The following ARHGAP21 variants were observed in gnomAD, a reference collection of about 807,000 sequenced individuals.
The protein encoded by ARHGAP21 is Rho GTPase activating protein 21.
Under a neutral mutation model 164.6 loss-of-function variants are expected in ARHGAP21, and 38 were observed. The observed-to-expected ratio is 0.23, with a 90% CI of 0.18 to 0.30. ARHGAP21 has a LOEUF of 0.30. Among genes scored for constraint, ARHGAP21 ranks in the 10% least tolerant of loss-of-function variants. ARHGAP21 has a pLI of 1.00. For missense variants in ARHGAP21, 1,822 were observed against 2,370.7 expected (o/e 0.77, Z 4.81); for synonymous variants, 766 against 857.9 (o/e 0.89, Z 1.87).
chr10:24,609,839 T>C lies in ARHGAP21; in HGVS notation c.2423-1936A>G, dbSNP rs368880959. ...TAGTTGACCAAACGGAAAACAAAAA[T>C]TTTTCATCTCATATACAAATATATT... On this transcript the variant is annotated intron_variant, in intron 9 of 25. Transcript: ENST00000396432. 3.9e-5 allele frequency among the ~76,000 whole-genome samples: 6 copies of C among 152,314 alleles called. No individual in the cohort carries two copies. In the East Asian group the frequency reaches 5.8e-4, roughly 15 times the overall value.
At chr10:24,616,750 A>C (rs897201698) in intron 9 of ARHGAP21, among the ~76,000 whole-genome samples, 5 of 152,228 alleles carry the variant, frequency 3.3e-5, no homozygotes, top group African/African-American at 9.6e-5. Context: ...TTTAGAACAC[A>C]TTGTAATATC....
chr10:24,672,484 T>C (rs1312557299), intron 2 of ARHGAP21, among the ~76,000 whole-genome samples: 3 of 152,212 alleles, frequency 2.0e-5, no homozygotes, highest in Non-Finnish European at 2.9e-5. Context: ...TTCCATTTCC[T>C]ACATTAAACA....
chr10:24,699,368 A>T (rs1385063456), intron 2 of ARHGAP21, among the ~76,000 whole-genome samples: 1 of 151,886 alleles, frequency 6.6e-6, no homozygotes, highest in Non-Finnish European at 1.5e-5. Flanking sequence ...CTCGTCCCCC[A>T]GGCTGGCGTG....
chr10:24,611,160 C>A (rs2077242938), intron 9 of ARHGAP21, among the ~76,000 whole-genome samples: 1 of 152,130 alleles, frequency 6.6e-6, no homozygotes, highest in Non-Finnish European at 1.5e-5. Context: ...CTAGGCCTGA[C>A]CAACCATAGG....
In ARHGAP21 at chr10:24,589,268, T is replaced by C. The variant is rs779186887; in HGVS notation, c.4182+3A>G. ...ATATTTCAAATTGTATGAAACAATTTACCTTAGATTTTGTTGAGTCACTAG... is the reference window on the plus strand; with the variant it reads ...ATATTTCAAATTGTATGAAACAATTCACCTTAGATTTTGTTGAGTCACTAG... On this transcript the variant is annotated splice_donor_region_variant and intron_variant, in intron 25 of 25. Coordinates refer to ENST00000396432, the MANE Select transcript of ARHGAP21 (RefSeq NM_020824.4). 2 of 1,606,060 alleles carry C rather than the reference T, an allele frequency of 1.2e-6. No individual in the cohort carries two copies. The highest frequency in any genetic ancestry group is 1.7e-5 in the Admixed American group (1 of 59,540).
chr10:24,598,032 A>G (rs1268990836), intron 14 of ARHGAP21, 23 bp from the exon 15 acceptor site: 1 of 1,580,112 alleles, frequency 6.3e-7, no homozygotes, highest in Non-Finnish European at 8.7e-7. Context: ...GTAAAATTAG[A>G]AAATCAATTC....
chr10:24,598,581 T>C (rs891318798), intron 14 of ARHGAP21, among the ~76,000 whole-genome samples: 3 of 152,162 alleles, frequency 2.0e-5, no homozygotes, highest in African/African-American at 7.2e-5. Context: ...GTGAGTTACC[T>C]TGTATGAAAT....
At chr10:24,718,634 A>C (rs1343533346) in intron 2 of ARHGAP21, among the ~76,000 whole-genome samples, 1 of 152,198 alleles carries the variant, frequency 6.6e-6, no homozygotes. Context: ...TTCCAGAAGG[A>C]AGAGTCAACA....
In ARHGAP21 at chr10:24,620,491, T is replaced by C; in HGVS notation, c.1404A>G (p.Leu468=). Reference sequence around the variant, plus strand: ...ATGCACTTCTTGGACAATACTTCATTAGCACAGAATCTTCCAGTCTTTCTT... The same window carrying C: ...ATGCACTTCTTGGACAATACTTCATCAGCACAGAATCTTCCAGTCTTTCTT... ...VSQERLEDSV[L]MKYCPRSASQ... Residue 468 remains leucine, a synonymous_variant, in exon 9 of 26, where the codon CTA becomes CTG. Coordinates refer to ENST00000396432, the MANE Select transcript of ARHGAP21 (RefSeq NM_020824.4). 4 of 1,611,542 alleles carry C rather than the reference T, an allele frequency of 2.5e-6. No individual in the cohort carries two copies. Among genetic ancestry groups the C allele is most frequent in the South Asian group, 2.2e-5 (2 of 90,914 alleles).
chr10:24,683,499 G>GT lies in ARHGAP21; in HGVS notation c.64-13103dup, dbSNP rs997997739. Among the ~76,000 whole-genome samples the GT allele has an allele frequency of 1.7e-3, 248 of 145,978 alleles. 2 individuals are homozygous for GT. Among genetic ancestry groups the GT allele is most frequent in the Middle Eastern group, 0.014 (4 of 288 alleles). ...CTTTATTTTCAAAGGTAAGTTTTTTGTTTTTTTTTTGAGACAGAGTCTCGC... is the reference window on the plus strand; with the variant it reads ...CTTTATTTTCAAAGGTAAGTTTTTTGTTTTTTTTTTTGAGACAGAGTCTCGC... On this transcript the variant is annotated intron_variant, in intron 2 of 25. Coordinates refer to ENST00000396432, the MANE Select transcript of ARHGAP21 (RefSeq NM_020824.4).
chr10:24,674,216 C>A (rs993539076), intron 2 of ARHGAP21, among the ~76,000 whole-genome samples: 1 of 151,752 alleles, frequency 6.6e-6, no homozygotes, highest in Non-Finnish European at 1.5e-5. Context: ...CACAGGGAGA[C>A]CCTGTCTCTA....
intron 3 of ARHGAP21, 76 bp downstream of exon 3, chr10:24,670,142 G>T: frequency 9.8e-7 from 1 of 1,018,516 alleles, no homozygotes; most frequent in Non-Finnish European, 1.4e-6. Flanking sequence ...CATAGGGAAG[G>T]GTAAGAGGAA....
chr10:24,603,248 G>C (rs909797632), intron 12 of ARHGAP21, among the ~76,000 whole-genome samples: 1 of 152,112 alleles, frequency 6.6e-6, no homozygotes, highest in Non-Finnish European at 1.5e-5. Context: ...AGAAGGAAGA[G>C]CAAGAAAGTG....
intron 8 of ARHGAP21, among the ~76,000 whole-genome samples, chr10:24,621,595 C>T (rs1433690456): frequency 6.6e-6 from 1 of 152,126 alleles, no homozygotes; most frequent in Non-Finnish European, 1.5e-5. Flanking sequence ...TTACAATCAC[C>T]TCTTTGCTCA....
chr10:24,655,633 C>G (rs1277175056), intron 4 of ARHGAP21, among the ~76,000 whole-genome samples: 2 of 148,202 alleles, frequency 1.3e-5, no homozygotes, highest in African/African-American at 2.5e-5. Flanking sequence ...GCCCGGCCGC[C>G]ACCCCGTCTG....
In ARHGAP21 at chr10:24,666,977, T is replaced by C. The variant is rs774565609; in HGVS notation, c.268+8A>G. On this transcript the variant is annotated splice_region_variant and intron_variant, in intron 4 of 25. Transcript: ENST00000396432. ...ATTCAGAGATAAATTAAAATGTTTATAGCATACCTCCTCTGTTTCCATTTT... is the reference window on the plus strand; with the variant it reads ...ATTCAGAGATAAATTAAAATGTTTACAGCATACCTCCTCTGTTTCCATTTT... The C allele has an allele frequency of 2.1e-6, 3 of 1,433,136 alleles. No homozygotes were observed. The highest frequency in any genetic ancestry group is 4.2e-5 in the Admixed American group (2 of 47,576). 88.8% of individuals were successfully genotyped at this position (1,433,136 alleles called of 1,614,324 possible).
chr10:24,695,500 C>T (rs1029018990), intron 2 of ARHGAP21, among the ~76,000 whole-genome samples: 1 of 150,584 alleles, frequency 6.6e-6, no homozygotes, highest in Non-Finnish European at 1.5e-5. Context: ...ACCCTGGAGG[C>T]AGAGGTTGCA....
chr10:24,636,476 T>A (rs1836394743), intron 4 of ARHGAP21, among the ~76,000 whole-genome samples: 1 of 152,208 alleles, frequency 6.6e-6, no homozygotes, highest in Non-Finnish European at 1.5e-5. Flanking sequence ...TAAAGAAGAA[T>A]GTAACTGAGA....
intron 16 of ARHGAP21, 57 bp from the exon 17 acceptor site, chr10:24,596,939 T>G: frequency 6.5e-7 from 1 of 1,542,592 alleles, no homozygotes; most frequent in Non-Finnish European, 8.7e-7. Flanking sequence ...AGTGTCTAAA[T>G]CATGACTTTA....
Sources: allele counts gnomAD v4.1 joint callset (sites outside exome capture counted in the v4.1 genomes callset), GRCh38; gene constraint gnomAD v4.1.1; transcripts MANE v1.5; gene names NCBI Gene and HGNC (gene_info 2026-07-23, HGNC 2026-07-21).